The following CCP110 variants were observed in gnomAD, a reference collection of about 807,000 sequenced individuals.
CCP110 encodes centriolar coiled-coil protein 110.
A neutral mutation model predicts 105.5 loss-of-function variants in CCP110; 43 were observed. That is an observed-to-expected ratio of 0.41 (90% CI 0.32 to 0.53). The LOEUF is 0.53. CCP110 is among the 20% of genes least tolerant of loss of function. The pLI is 0.32. For missense variants in CCP110, 1,016 were observed against 1,189.1 expected, an observed-to-expected ratio of 0.85 and a Z score of 2.14; for synonymous variants, 353 against 392.1, an observed-to-expected ratio of 0.90 and a Z score of 1.18.
At chr16:19,526,889 T>C (rs1969691847) in intron 1 of CCP110, 1 of 152,222 alleles carries the variant, frequency 6.6e-6, no homozygotes, top group South Asian at 2.1e-4. Flanking sequence ...TTGTATTCTA[T>C]TTTCTGTTTC....
intron 1 of CCP110, chr16:19,525,538 C>T (rs1278697087): frequency 6.6e-6 from 1 of 152,170 alleles, no homozygotes; most frequent in Non-Finnish European, 1.5e-5. Context: ...AAATGGTTAC[C>T]TTTGCAGTTT....
chr16:19,532,383 G>T (rs776295503), intron 2 of CCP110, 33 bp from the exon 3 acceptor site: 1 of 1,539,540 alleles, frequency 6.5e-7, no homozygotes, highest in South Asian at 1.2e-5. Context: ...TTTTTATCGT[G>T]GGAAATAATT....
rs1265695953 is a variant in CCP110 at position 19,527,790 on chromosome 16, A to G, written c.-15-77A>G. 3.3e-6 allele frequency: 4 copies of G among 1,203,854 alleles called. No individual in the cohort carries two copies. In the African/African-American group the frequency reaches 4.6e-5, roughly 14 times the overall value. The allele number at this position is 1,203,854 out of a possible 1,614,324, so 74.6% of individuals were successfully genotyped here. ...AATTGTGAATTATAGGGACTCTCTC[A>G]TGCTCTACAAAATCTGCCAAATAAT... On this transcript the variant is annotated intron_variant, in intron 1 of 14. Coordinates refer to ENST00000381396, the Ensembl canonical transcript of CCP110.
chr16:19,530,658 G>A (rs1969833443), intron 2 of CCP110, among the ~76,000 whole-genome samples: 1 of 151,028 alleles, frequency 6.6e-6, no homozygotes, highest in Admixed American at 6.6e-5. Flanking sequence ...ACAACAGCCT[G>A]GGCAACAGAG....
At chr16:19,537,205 G>T (rs751220765) in exon 4 of CCP110, 1 of 1,614,178 alleles carries the variant, frequency 6.2e-7, no homozygotes, top group South Asian at 1.1e-5. Flanking sequence ...CCAGCAGTCA[G>T]TGTATAGCAA....
chr16:19,536,887 G>C (rs761276530), exon 4 of CCP110: 8 of 1,613,992 alleles, frequency 5.0e-6, no homozygotes, highest in Non-Finnish European at 5.9e-6. Flanking sequence ...GAAAAGAACA[G>C]GCAATGGACT....
chr16:19,546,476 T>C lies in CCP110; in HGVS notation c.2840+2T>C. ...TAAACAAAATCCTTCTGAAACAAGG[T>C]GAGAAAAATCACTTAGTCTTAATGA... On this transcript the variant is annotated splice_donor_variant, in intron 12 of 14. Coordinates refer to ENST00000381396, the Ensembl canonical transcript of CCP110. LOFTEE classifies it high-confidence loss of function. 1 of 1,570,158 alleles carries C rather than the reference T, an allele frequency of 6.4e-7. No individual in the cohort carries two copies.
chr16:19,536,845 C>G (rs1294442729), exon 4 of CCP110: 2 of 1,613,990 alleles, frequency 1.2e-6, no homozygotes, highest in Admixed American at 3.3e-5. Flanking sequence ...TTATAAATAA[C>G]CCAATAAATG....
chr16:19,551,341 T>C, exon 15 of CCP110: 1 of 1,029,696 alleles, frequency 9.7e-7, no homozygotes. Flanking sequence ...GGACTCCGTT[T>C]ACACAGACAA....
At chr16:19,541,488 G>A (rs1454519180) in intron 5 of CCP110, among the ~76,000 whole-genome samples, 2 of 151,796 alleles carry the variant, frequency 1.3e-5, no homozygotes, top group Non-Finnish European at 2.9e-5. Context: ...ATACAAAATG[G>A]TGGTGTATGG....
intron 12 of CCP110, chr16:19,547,522 G>T (rs913635637): frequency 1.3e-5 from 2 of 157,354 alleles, no homozygotes; most frequent in African/African-American, 4.8e-5. Context: ...ACCAGTATGG[G>T]TAACATAGTA....
rs58475823 is a variant in CCP110, at chr16:19,552,528, A to ACTGTCTC, written c.*1280_*1281insCTGTCTC. ...GTTAACAGAGCAAGACACTGTCTCAAAAAAAAAAAAAAAAAAAAGTATCAA... is the reference window on the plus strand; with the variant it reads ...GTTAACAGAGCAAGACACTGTCTCAACTGTCTCAAAAAAAAAAAAAAAAAAGTATCAA... On this transcript the variant is annotated 3_prime_UTR_variant, in exon 15 of 15. Coordinates refer to ENST00000381396, the Ensembl canonical transcript of CCP110. 9.9e-3 allele frequency: 662 copies of ACTGTCTC among 67,026 alleles called. 4 individuals carry two copies. In the African/African-American group the frequency reaches 0.17, roughly 17 times the overall value. The allele number at this position is 67,026 out of a possible 1,614,324, so 4.2% of individuals were successfully genotyped here.
chr16:19,542,856 G>T (rs1451273894), intron 7 of CCP110, 22 bp from the exon 8 acceptor site: 1 of 1,545,318 alleles, frequency 6.5e-7, no homozygotes, highest in Admixed American at 1.7e-5. Flanking sequence ...AATAAACATT[G>T]TGTCTGTCTT....
At chr16:19,524,937 A>G (rs910616020) in intron 1 of CCP110, 8 of 152,156 alleles carry the variant, frequency 5.3e-5, no homozygotes, top group Non-Finnish European at 7.3e-5. Context: ...TAATTGCCCT[A>G]CATGCATTAG....
intron 8 of CCP110, among the ~76,000 whole-genome samples, chr16:19,543,298 G>T (rs1330626616): frequency 1.3e-5 from 2 of 152,136 alleles, no homozygotes; most frequent in Non-Finnish European, 2.9e-5. Context: ...AACATAAATT[G>T]TGAAGATTTC....
At chr16:19,550,796 T>C (rs1366576375) in intron 14 of CCP110, among the ~76,000 whole-genome samples, 3 of 152,240 alleles carry the variant, frequency 2.0e-5, no homozygotes, top group African/African-American at 7.2e-5. Flanking sequence ...TCTGATGTTA[T>C]CGTAAGTGAT....
At chr16:19,532,329 A>G (rs183344182) in intron 2 of CCP110, 87 bp from the exon 3 acceptor site, 18 of 1,158,984 alleles carry the variant, frequency 1.6e-5, no homozygotes, top group African/African-American at 1.1e-4. Context: ...CCTGTTGCAC[A>G]TGTTTTTAAT....
chr16:19,536,066 C>G (rs368558634), exon 4 of CCP110: 1 of 1,614,046 alleles, frequency 6.2e-7, no homozygotes, highest in South Asian at 1.1e-5. Context: ...CCATACGGAA[C>G]ACTCTACTGC....
chr16:19,538,484 AT>A (rs909549996), intron 4 of CCP110, among the ~76,000 whole-genome samples: 1 of 150,130 alleles, frequency 6.7e-6, no homozygotes, highest in African/African-American at 2.5e-5. Context: ...TAATTTTTAT[AT>A]TTTTAGTAGA....
Sources: allele counts gnomAD v4.1 joint callset (sites outside exome capture counted in the v4.1 genomes callset), GRCh38; gene constraint gnomAD v4.1.1; transcripts MANE v1.5; gene names NCBI Gene and HGNC (gene_info 2026-07-23, HGNC 2026-07-21).